The following ZNF609 variants were observed in gnomAD, a reference collection of about 807,000 sequenced individuals.
ZNF609 encodes the protein zinc finger protein 609.
A neutral mutation model predicts 109.5 loss-of-function variants in ZNF609; 11 were observed. The observed-to-expected ratio is 0.10, with a 90% confidence interval of 0.06 to 0.17. The LOEUF (loss-of-function observed/expected upper bound fraction) is 0.17. Among genes scored for constraint, ZNF609 ranks in the 10% least tolerant of loss-of-function variants. The pLI is 1.00. For synonymous variants in ZNF609, 646 were observed against 662.0 expected (o/e 0.98, Z 0.37); for missense variants, 1,559 against 1,772.4 (o/e 0.88, Z 2.16).
At position 64,498,799 on chromosome 15, in the gene ZNF609, G is replaced by C. The variant is rs189572279; in HGVS notation, c.-127-494G>C. 4.7e-3 allele frequency among the ~76,000 whole-genome samples: 717 copies of C among 152,218 alleles called. 2 individuals are homozygous for C. The highest frequency in any genetic ancestry group is 6.4e-3 in the Non-Finnish European group (432 of 68,022). On this transcript the variant is annotated intron_variant, in intron 1 of 9. Transcript: ENST00000326648. The stretch of plus-strand genomic sequence containing the variant: ...AGACTTTTCCTTCCCAATAGTAGGA[G>C]GAATCTATACTATTTGTACTAGAGA...
At chr15:64,681,036 A>G (rs1001029840) in intron 8 of ZNF609, among the ~76,000 whole-genome samples, 174 bp downstream of exon 8, 1 of 151,812 alleles carries the variant, frequency 6.6e-6, no homozygotes, top group African/African-American at 2.4e-5. Context: ...TGCAGTCATT[A>G]AAGCATATGA....
At chr15:64,483,640 C>A (rs1176023424) in intron 1 of ZNF609, among the ~76,000 whole-genome samples, 1 of 152,170 alleles carries the variant, frequency 6.6e-6, no homozygotes, top group Admixed American at 6.5e-5. Context: ...CCCACCTTGG[C>A]CTCCCAAAGT....
intron 1 of ZNF609, among the ~76,000 whole-genome samples, chr15:64,489,951 A>T (rs1399594206): frequency 1.3e-5 from 2 of 151,342 alleles, no homozygotes; most frequent in Non-Finnish European, 2.9e-5. Context: ...GGCAGAGCTT[A>T]TTTTTAAATT....
At chr15:64,476,371 G>T (rs764254291) in intron 1 of ZNF609, among the ~76,000 whole-genome samples, 1 of 151,996 alleles carries the variant, frequency 6.6e-6, no homozygotes, top group Non-Finnish European at 1.5e-5. Flanking sequence ...AATTAGAAAG[G>T]TAATATATGA....
intron 2 of ZNF609, among the ~76,000 whole-genome samples, chr15:64,558,106 C>A (rs1421212391): frequency 6.6e-6 from 1 of 152,026 alleles, no homozygotes; most frequent in Non-Finnish European, 1.5e-5. Context: ...GTAAGTAGCC[C>A]CAGCTTAATA....
chr15:64,528,956 C>A, intron 2 of ZNF609: 2 of 1,382,998 alleles, frequency 1.4e-6, no homozygotes, highest in Non-Finnish European at 2.0e-6. Flanking sequence ...GCCACTGACA[C>A]ATTGGCAGTG....
At chr15:64,619,294 C>A (rs565305793) in intron 2 of ZNF609, among the ~76,000 whole-genome samples, 1 of 152,316 alleles carries the variant, frequency 6.6e-6, no homozygotes, top group African/African-American at 2.4e-5. Flanking sequence ...GCCATTGCAC[C>A]CAGCCCCCTT....
chr15:64,634,379 A>G (rs1896137207), intron 3 of ZNF609, among the ~76,000 whole-genome samples: 1 of 152,124 alleles, frequency 6.6e-6, no homozygotes, highest in Non-Finnish European at 1.5e-5. Context: ...GCTATTCTTC[A>G]TCCTCATCTG....
chr15:64,621,098 T>C (rs551957807), intron 2 of ZNF609, among the ~76,000 whole-genome samples: 1 of 152,166 alleles, frequency 6.6e-6, no homozygotes. Context: ...AGACTAAGAA[T>C]TCCTCACAAA....
At chr15:64,561,194 C>T (rs563990643) in intron 2 of ZNF609, among the ~76,000 whole-genome samples, 2 of 152,296 alleles carry the variant, frequency 1.3e-5, no homozygotes, top group South Asian at 2.1e-4. Flanking sequence ...CTTTATCTAA[C>T]GTGGTACCCT....
intron 2 of ZNF609, among the ~76,000 whole-genome samples, chr15:64,520,641 C>T (rs1276097607): frequency 1.3e-5 from 2 of 151,500 alleles, no homozygotes; most frequent in African/African-American, 4.9e-5. Flanking sequence ...TTTTCCCACA[C>T]GTTCTGGTAT....
At chr15:64,474,200 A>G (rs11629854) in intron 1 of ZNF609, among the ~76,000 whole-genome samples, 36,647 of 141,276 alleles carry the variant, frequency 0.26, 5,629 homozygotes, top group Admixed American at 0.42. Flanking sequence ...GAGCCACCAC[A>G]CCTGGCCTAG....
chr15:64,542,176 C>T (rs1894276812), intron 2 of ZNF609, among the ~76,000 whole-genome samples: 1 of 152,112 alleles, frequency 6.6e-6, no homozygotes, highest in Non-Finnish European at 1.5e-5. Flanking sequence ...AACCTAAAAC[C>T]TACTCCCCAG....
intron 2 of ZNF609, among the ~76,000 whole-genome samples, chr15:64,557,308 T>C (rs1457413643): frequency 1.3e-5 from 2 of 151,598 alleles, no homozygotes; most frequent in Non-Finnish European, 2.9e-5. Context: ...CATTGAAAAA[T>C]AATCAGGAAC....
intron 1 of ZNF609, chr15:64,470,233 A>C (rs1344930719): frequency 6.6e-6 from 1 of 151,956 alleles, no homozygotes; most frequent in Admixed American, 6.6e-5. Context: ...TTTTTTGTAG[A>C]GATGATGGTT....
intron 2 of ZNF609, chr15:64,529,396 C>A: frequency 2.7e-6 from 2 of 751,140 alleles, no homozygotes; most frequent in Non-Finnish European, 4.8e-6. Flanking sequence ...ACGTACTCAG[C>A]GCCAGCATCA....
At chr15:64,495,484 C>T (rs1234368215) in intron 1 of ZNF609, among the ~76,000 whole-genome samples, 1 of 152,074 alleles carries the variant, frequency 6.6e-6, no homozygotes, top group Non-Finnish European at 1.5e-5. Context: ...ACCTCTGCCT[C>T]CCAGGTTCAA....
At chr15:64,585,450 G>A (rs1895180652) in intron 2 of ZNF609, among the ~76,000 whole-genome samples, 1 of 152,134 alleles carries the variant, frequency 6.6e-6, no homozygotes, top group Non-Finnish European at 1.5e-5. Flanking sequence ...ATTTGTTGCT[G>A]TTGTCTTTAG....
At chr15:64,534,010 A>T (rs1040265397) in intron 2 of ZNF609, among the ~76,000 whole-genome samples, 30 of 146,896 alleles carry the variant, frequency 2.0e-4, no homozygotes, top group African/African-American at 6.8e-4. Context: ...CACTGTTATT[A>T]ACCTTTTTTT....
Sources: gnomAD v4.1 joint callset for allele counts (sites outside exome capture counted in the v4.1 genomes callset) on GRCh38, gnomAD v4.1.1 for gene constraint, MANE v1.5 for transcripts, NCBI Gene and HGNC (gene_info 2026-07-23, HGNC 2026-07-21) for gene names.